Variants in HIBCH observed in about 807,000 individuals in gnomAD.
HIBCH encodes 3-hydroxyisobutyryl-CoA hydrolase, mitochondrial.
A neutral mutation model predicts 58.2 loss-of-function variants in HIBCH; 50 were observed. The ratio of observed to expected loss-of-function variants is 0.86; its 90% CI spans 0.68 to 1.09. The LOEUF is 1.09. Among genes scored for constraint, HIBCH ranks in the 50% least tolerant of loss-of-function variants. The probability of loss-of-function intolerance (pLI) is 0.00; values close to 1 mark genes in which losing one functional copy is unlikely to be tolerated. For missense variants in HIBCH, 450 were observed against 449.7 expected (o/e 1.00, Z -0.01); for synonymous variants, 151 against 146.9 (o/e 1.03, Z -0.20).
At chr2:190,291,326 C>T (rs527679879) in intron 4 of HIBCH, among the ~76,000 whole-genome samples, 1 of 152,172 alleles carries the variant, frequency 6.6e-6, no homozygotes, top group South Asian at 2.1e-4. Flanking sequence ...TATTCTTTGT[C>T]CTGTAAGGAT....
At position 190,252,394 on chromosome 2, in the gene HIBCH, T is replaced by C. The variant is rs291401; in HGVS notation, c.518-87A>G. 8.9e-4 allele frequency: 989 copies of C among 1,114,618 alleles called. 6 individuals are homozygous for C. The African/African-American group carries it at 0.014, about 16-fold the overall frequency. The allele number at this position is 1,114,618 out of a possible 1,614,324, so 69.0% of individuals were successfully genotyped here. A position where few individuals can be genotyped will look rare whatever the true frequency, so the allele number is the denominator to read the frequency against. On this transcript the variant is annotated intron_variant, in intron 7 of 13. Transcript: ENST00000359678. ...TTTTTGCCGTAGATCACACAAACCA[T>C]TTCTCTCTGGAGCTTGAATATACAT...
At chr2:190,200,244 G>A, downstream of HIBCH, 1 of 982,006 alleles carries the variant, frequency 1.0e-6, no homozygotes, top group Non-Finnish European at 1.6e-6. Flanking sequence ...ATAACTATCT[G>A]GATTTAAAAA....
chr2:190,213,020 T>G lies in HIBCH; in HGVS notation c.947A>C (p.Glu316Ala). The G allele has an allele frequency of 1.2e-6, 2 of 1,609,794 alleles. No individual in the cohort carries two copies. Among genetic ancestry groups the G allele is most frequent in the Non-Finnish European group, 1.7e-6 (2 of 1,176,292 alleles). ...TTCTTGCAAGGTCTTTGAAGACCCC[T>G]CCATGAGTTGCCTTAGTGTGATCTT... ...SLKITLRQLMEGSSKTLQEVL... is the reference protein window; with the variant it reads ...SLKITLRQLMAGSSKTLQEVL... Residue 316 changes from glutamate (E) to alanine (A), a missense_variant, in exon 12 of 14, where the codon GAG (glutamate) becomes GCG (alanine). Transcript: ENST00000359678.
rs374287545 is a variant in HIBCH at position 190,290,112 on chromosome 2, C to A, written c.385+293G>T. ...CAGGCTGGTCTCAAACTCCTGAACT[C>A]AGGTGATCCACCCACCTCAGCCTCC... On this transcript the variant is annotated intron_variant, in intron 5 of 13. Transcript: ENST00000359678. Among the ~76,000 whole-genome samples the A allele has an allele frequency of 5.5e-4, 83 of 152,262 alleles. 2 individuals carry two copies. The South Asian group carries it at 0.017, about 31-fold the overall frequency.
downstream of HIBCH, chr2:190,199,744 AGTGCCCT>A: frequency 6.6e-7 from 1 of 1,507,854 alleles, no homozygotes; most frequent in Non-Finnish European, 8.8e-7. Flanking sequence ...TGATTACTGA[AGTGCCCT>A]GGAGAGGGAA....
intron 1 of HIBCH, among the ~76,000 whole-genome samples, chr2:190,314,278 A>AAAAT (rs1553508425): frequency 1.1e-5 from 1 of 87,706 alleles, no homozygotes; most frequent in African/African-American, 3.9e-5. Context: ...CTACAAAAAA[A>AAAAT]ATATATATAT....
rs768409948 is a variant in HIBCH, at chr2:190,205,245, G to C, written c.1046-13C>G. On this transcript the variant is annotated splice_polypyrimidine_tract_variant and intron_variant, in intron 13 of 13. Coordinates refer to ENST00000359678, the MANE Select transcript of HIBCH (RefSeq NM_014362.4). ...TTATCAATTAAAACTGTCAAGAGAA[G>C]ATACAAATGTTAATACCATTATTTT... 2 of 1,353,588 alleles carry C rather than the reference G, an allele frequency of 1.5e-6. No homozygotes were observed. Among genetic ancestry groups the C allele is most frequent in the South Asian group, 2.3e-5 (2 of 85,352 alleles). The allele number at this position is 1,353,588 out of a possible 1,614,324, so 83.8% of individuals were successfully genotyped here. A position where few individuals can be genotyped will look rare whatever the true frequency, so the allele number is the denominator to read the frequency against.
chr2:190,194,720 A>C (rs1433257875), intron 1 of HIBCH, among the ~76,000 whole-genome samples: 1 of 152,030 alleles, frequency 6.6e-6, no homozygotes, highest in East Asian at 1.9e-4. Flanking sequence ...CTTGGCAACC[A>C]CTGGTCTTTT....
At chr2:190,226,594 TCAAAAAAAAAAAA>T (rs368947324) in intron 11 of HIBCH, among the ~76,000 whole-genome samples, 7,762 of 89,814 alleles carry the variant, frequency 0.086, 390 homozygotes, top group East Asian at 0.18. Flanking sequence ...AAACTCCGTC[TCAAAAAAAAAAAA>T]AAAAAAAAAA....
rs1245667684 is a variant in HIBCH, at chr2:190,206,092, T to C, written c.1046-860A>G. On this transcript the variant is annotated intron_variant, in intron 13 of 13. Coordinates refer to ENST00000359678, the MANE Select transcript of HIBCH (RefSeq NM_014362.4). The surrounding 1 kb of genome is among the most constrained non-coding windows in gnomAD (Gnocchi z 5.1). Reference sequence around the variant, plus strand: ...TGGAAATATTTAAATGTGCAAACTATAGTGAACTAGAAAAACCTAATTTAG... The same window carrying C: ...TGGAAATATTTAAATGTGCAAACTACAGTGAACTAGAAAAACCTAATTTAG... Among the ~76,000 whole-genome samples, 2 of 152,336 alleles carry C rather than the reference T, an allele frequency of 1.3e-5. No homozygotes were observed. Among genetic ancestry groups the C allele is most frequent in the East Asian group, 3.9e-4 (2 of 5,188 alleles).
chr2:190,256,499 G>A (rs1333179999), intron 7 of HIBCH, among the ~76,000 whole-genome samples: 2 of 146,836 alleles, frequency 1.4e-5, no homozygotes, highest in Non-Finnish European at 3.0e-5. Flanking sequence ...ATATTAAGAT[G>A]TTTCCCAGGA....
chr2:190,245,822 T>C (rs1478600283), intron 10 of HIBCH, among the ~76,000 whole-genome samples: 1 of 151,916 alleles, frequency 6.6e-6, no homozygotes, highest in Non-Finnish European at 1.5e-5. Context: ...AAACCCTGTC[T>C]CTACTAAAAA....
chr2:190,289,696 T>C (rs1366003291), intron 5 of HIBCH, among the ~76,000 whole-genome samples: 1 of 152,090 alleles, frequency 6.6e-6, no homozygotes, highest in African/African-American at 2.4e-5. Flanking sequence ...ATTTCCTGTA[T>C]CTTAACTTCG....
intron 11 of HIBCH, among the ~76,000 whole-genome samples, chr2:190,229,649 A>T (rs1007978618): frequency 1.3e-5 from 2 of 152,256 alleles, no homozygotes; most frequent in Admixed American, 6.5e-5. Flanking sequence ...ATTATAGTAC[A>T]GAAATAATAT....
intron 11 of HIBCH, among the ~76,000 whole-genome samples, chr2:190,219,047 G>A (rs1461824216): frequency 1.3e-5 from 2 of 152,180 alleles, no homozygotes; most frequent in Admixed American, 6.5e-5. Context: ...GGGAACCTCC[G>A]TAACCTGTTA....
At chr2:190,227,480 T>A (rs1475600884) in intron 11 of HIBCH, among the ~76,000 whole-genome samples, 2 of 152,128 alleles carry the variant, frequency 1.3e-5, no homozygotes, top group Non-Finnish European at 2.9e-5. Context: ...GAAGAAAACC[T>A]AGGCAATACC....
chr2:190,243,112 G>C lies in HIBCH; in HGVS notation c.891+1775C>G, dbSNP rs2105931558. Among the ~76,000 whole-genome samples the C allele has an allele frequency of 6.6e-6, 1 of 152,152 alleles. No individual in the cohort carries two copies. Among genetic ancestry groups the C allele is most frequent in the East Asian group, 1.9e-4 (1 of 5,200 alleles). Reference sequence around the variant, plus strand: ...TCCTGGATGTGTCTGTGAGGGTGTTGCCAAAAGAGATTAACATTTGAGTCA... The same window carrying C: ...TCCTGGATGTGTCTGTGAGGGTGTTCCCAAAAGAGATTAACATTTGAGTCA... On this transcript the variant is annotated intron_variant, in intron 11 of 13. Transcript: ENST00000359678. The surrounding 1 kb of genome is among the most constrained non-coding windows in gnomAD (Gnocchi z 4.1).
chr2:190,265,990 C>CT (rs879496964), intron 6 of HIBCH, among the ~76,000 whole-genome samples: 2,339 of 145,028 alleles, frequency 0.016, 49 homozygotes, highest in African/African-American at 0.045. Flanking sequence ...GATTTTAAAT[C>CT]TTTTTTTTTT....
chr2:190,319,601 C>T, intron 1 of HIBCH, 115 bp downstream of exon 1: 1 of 866,664 alleles, frequency 1.2e-6, no homozygotes, highest in Non-Finnish European at 1.9e-6. Flanking sequence ...CTCACAGCGG[C>T]GCCTCTGAGC....
Sources: gnomAD v4.1 joint callset for allele counts (sites outside exome capture counted in the v4.1 genomes callset) on GRCh38, gnomAD v4.1.1 for gene constraint, Gnocchi (gnomAD v3.1) non-coding constraint, MANE v1.5 for transcripts, NCBI Gene and HGNC (gene_info 2026-07-23, HGNC 2026-07-21) for gene names.